Variants in GRIP1 observed in about 807,000 individuals in gnomAD.
GRIP1 encodes the protein glutamate receptor interacting protein 1, also known as glutamate receptor-interacting protein 1.
A neutral mutation model predicts 129.9 loss-of-function variants in GRIP1; 45 were observed. That is an observed-to-expected ratio of 0.35 (90% CI 0.27 to 0.44). The LOEUF is 0.44. Among genes scored for constraint, GRIP1 ranks in the 20% least tolerant of loss-of-function variants. GRIP1 has a pLI of 1.00. For missense variants in GRIP1, 1,196 were observed against 1,396.8 expected, an observed-to-expected ratio of 0.86 and a Z score of 2.29; for synonymous variants, 530 against 520.8, an observed-to-expected ratio of 1.02 and a Z score of -0.24.
At chr12:66,740,400 T>C (rs943588832) in intron 1 of GRIP1, among the ~76,000 whole-genome samples, 1 of 152,178 alleles carries the variant, frequency 6.6e-6, no homozygotes, top group Non-Finnish European at 1.5e-5. Flanking sequence ...TGTACAGTTC[T>C]TGACTTCAAC....
At chr12:67,066,252 T>C (rs2043623065) in intron 1 of GRIP1, among the ~76,000 whole-genome samples, 1 of 152,196 alleles carries the variant, frequency 6.6e-6, no homozygotes. Context: ...TCTTTTTGTA[T>C]GCGGCAATAA....
intron 1 of GRIP1, among the ~76,000 whole-genome samples, chr12:66,882,666 C>G (rs754016002): frequency 7.2e-5 from 11 of 152,166 alleles, no homozygotes; most frequent in Non-Finnish European, 1.2e-4. Context: ...CTGCCATCAT[C>G]ATCGTTTTAT....
chr12:66,924,969 C>T (rs943214802), intron 1 of GRIP1, among the ~76,000 whole-genome samples: 1 of 150,670 alleles, frequency 6.6e-6, no homozygotes, highest in African/African-American at 2.4e-5. Flanking sequence ...GACTCCGTCT[C>T]AAAAAAGAAA....
At chr12:66,403,348 A>C (rs568116133) in intron 16 of GRIP1, among the ~76,000 whole-genome samples, 1 of 152,248 alleles carries the variant, frequency 6.6e-6, no homozygotes, top group Admixed American at 6.5e-5. Context: ...GCTCTTTGTG[A>C]AGATTTAGTT....
At chr12:66,834,941 G>A (rs895544700) in intron 1 of GRIP1, among the ~76,000 whole-genome samples, 25 of 148,472 alleles carry the variant, frequency 1.7e-4, no homozygotes, top group East Asian at 4.0e-4. Context: ...AAAAAAGGGG[G>A]GGGGGCAGGA....
At chr12:66,952,031 A>G (rs914729806) in intron 1 of GRIP1, among the ~76,000 whole-genome samples, 1 of 152,198 alleles carries the variant, frequency 6.6e-6, no homozygotes, top group Non-Finnish European at 1.5e-5. Context: ...GAAATTGATG[A>G]TAGATTGAGG....
intron 1 of GRIP1, among the ~76,000 whole-genome samples, chr12:66,602,744 A>G (rs2064331020): frequency 6.7e-6 from 1 of 150,172 alleles, no homozygotes; most frequent in Non-Finnish European, 1.5e-5. Flanking sequence ...TTTGTTTTGC[A>G]TCTGCATGGC....
chr12:66,726,365 T>G (rs1363137516), intron 1 of GRIP1, among the ~76,000 whole-genome samples: 1 of 152,182 alleles, frequency 6.6e-6, no homozygotes, highest in African/African-American at 2.4e-5. Context: ...TATCACTCTA[T>G]GAGTTGGATA....
At chr12:66,570,310 G>A (rs1319123265) in intron 2 of GRIP1, among the ~76,000 whole-genome samples, 3 of 152,052 alleles carry the variant, frequency 2.0e-5, no homozygotes, top group Non-Finnish European at 4.4e-5. Context: ...TACAGGTAGA[G>A]TCTTGTTATT....
At chr12:66,451,594 G>C (rs75247912) in intron 11 of GRIP1, among the ~76,000 whole-genome samples, 1 of 151,404 alleles carries the variant, frequency 6.6e-6, no homozygotes, top group Non-Finnish European at 1.5e-5. Context: ...CTTTTTTGTA[G>C]AGACAGGGTT....
chr12:66,406,336 T>C lies in GRIP1; in HGVS notation c.1931A>G (p.Gln644Arg). 1 of 1,614,062 alleles carries C rather than the reference T, an allele frequency of 6.2e-7. No individual in the cohort carries two copies. Among genetic ancestry groups the C allele is most frequent in the Middle Eastern group, 1.7e-4 (1 of 6,060 alleles). Residue 644 changes from glutamine to arginine, a missense_variant, in exon 16 of 25, where the codon CAG (glutamine) becomes CGG (arginine). Transcript: ENST00000359742. ...GAGCTTCACCAGGTCTTCACATTGCTGGAGGATCTGAACTGCATCTTCCAT... is the reference window on the plus strand; with the variant it reads ...GAGCTTCACCAGGTCTTCACATTGCCGGAGGATCTGAACTGCATCTTCCAT... ...CSMEDAVQIL[Q>R]QCEDLVKLKI...
At chr12:66,787,543 T>G (rs1592846063) in intron 1 of GRIP1, among the ~76,000 whole-genome samples, 2 of 152,210 alleles carry the variant, frequency 1.3e-5, no homozygotes, top group Non-Finnish European at 2.9e-5. Flanking sequence ...AGTGAAGCCT[T>G]GGGGAGGTGA....
At chr12:66,533,872 CACACACA>C (rs1565836202) in intron 4 of GRIP1, among the ~76,000 whole-genome samples, 3 of 138,334 alleles carry the variant, frequency 2.2e-5, no homozygotes, top group East Asian at 2.0e-4. Context: ...CTCACACACA[CACACACA>C]TACACACACT....
intron 19 of GRIP1, among the ~76,000 whole-genome samples, chr12:66,387,246 C>T (rs901892297): frequency 3.9e-5 from 6 of 152,208 alleles, no homozygotes; most frequent in Admixed American, 3.3e-4. Flanking sequence ...GTGATCCCAT[C>T]TGGCATCAAG....
chr12:66,391,750 C>G (rs2056596843), intron 19 of GRIP1, among the ~76,000 whole-genome samples: 1 of 152,020 alleles, frequency 6.6e-6, no homozygotes, highest in Non-Finnish European at 1.5e-5. Context: ...ACTGAGGAGA[C>G]TGAGGCAGCA....
chr12:66,456,900 C>T (rs893090487), intron 9 of GRIP1, among the ~76,000 whole-genome samples: 1 of 152,106 alleles, frequency 6.6e-6, no homozygotes, highest in African/African-American at 2.4e-5. Flanking sequence ...ATAAACCACT[C>T]TAATCATCTA....
At chr12:66,593,517 G>T (rs1372582790) in intron 2 of GRIP1, among the ~76,000 whole-genome samples, 1 of 152,150 alleles carries the variant, frequency 6.6e-6, no homozygotes, top group Non-Finnish European at 1.5e-5. Context: ...TTATTTCTGT[G>T]TATGTATATA....
At chr12:66,855,136 G>A (rs955526323) in intron 1 of GRIP1, among the ~76,000 whole-genome samples, 1 of 151,894 alleles carries the variant, frequency 6.6e-6, no homozygotes, top group African/African-American at 2.4e-5. Context: ...ACATTACCAG[G>A]TCATTAAGCC....
chr12:66,887,994 G>A (rs569842401), intron 1 of GRIP1, among the ~76,000 whole-genome samples: 138 of 152,176 alleles, frequency 9.1e-4, no homozygotes, highest in African/African-American at 3.2e-3. Context: ...TTCTAACCCC[G>A]GTGATTCTGA....
Sources: gnomAD v4.1 joint callset for allele counts (sites outside exome capture counted in the v4.1 genomes callset) on GRCh38, gnomAD v4.1.1 for gene constraint, MANE v1.5 for transcripts, NCBI Gene and HGNC (gene_info 2026-07-23, HGNC 2026-07-21) for gene names.